The following AASS variants were observed in gnomAD, a reference collection of about 807,000 sequenced individuals.
AASS encodes the protein alpha-aminoadipic semialdehyde synthase, mitochondrial.
In AASS, 86 loss-of-function variants were observed where a neutral mutation model predicts 105.4. That is an observed-to-expected ratio of 0.82 (90% CI 0.69 to 0.98). The LOEUF (loss-of-function observed/expected upper bound fraction) is 0.98. Ranked by LOEUF, AASS falls within the 50% of genes least tolerant of loss-of-function variation. AASS has a pLI of 0.00. For missense variants in AASS, 1,048 were observed against 1,143.2 expected (o/e 0.92, Z 1.20); for synonymous variants, 381 against 394.8 (o/e 0.96, Z 0.41).
Position 122,079,732 on chromosome 7 carries a change from CA to C in AASS, c.2281-21del. ...TTGTTTCTGGTTAGAAAAAGAAATA[CA>C]ATATTTCTAAGTCCCTAACAAATTT... On this transcript the variant is annotated intron_variant, in intron 20 of 23. Coordinates refer to ENST00000417368, the MANE Select transcript of AASS (RefSeq NM_005763.4). The C allele has an allele frequency of 6.4e-7, 1 of 1,562,004 alleles. No individual in the cohort carries two copies. Among genetic ancestry groups the C allele is most frequent in the Non-Finnish European group, 8.8e-7 (1 of 1,133,226 alleles).
intron 6 of AASS, among the ~76,000 whole-genome samples, chr7:122,117,402 C>T (rs1485995221): frequency 6.6e-6 from 1 of 152,012 alleles, no homozygotes; most frequent in Non-Finnish European, 1.5e-5. Flanking sequence ...TGACAAGTTT[C>T]TATAGGAGAT....
At chr7:122,077,667 C>T (rs1019545674) in intron 23 of AASS, among the ~76,000 whole-genome samples, 171 bp downstream of exon 23, 1 of 152,224 alleles carries the variant, frequency 6.6e-6, no homozygotes, top group Admixed American at 6.5e-5. Context: ...AGCCCACATG[C>T]TTTACTCATC....
chr7:122,094,607 T>A (rs139747903), intron 15 of AASS, among the ~76,000 whole-genome samples: 15 of 152,184 alleles, frequency 9.9e-5, no homozygotes, highest in Non-Finnish European at 1.9e-4. Context: ...TACAATAGAC[T>A]ATGGATATAC....
chr7:122,143,414 G>A (rs1796491484), intron 1 of AASS, among the ~76,000 whole-genome samples: 1 of 149,596 alleles, frequency 6.7e-6, no homozygotes, highest in African/African-American at 2.5e-5. Flanking sequence ...AAGCTGTCAG[G>A]ATAGACAGAC....
intron 8 of AASS, 144 bp from the exon 9 acceptor site, chr7:122,115,366 T>C (rs1185271590): frequency 1.8e-6 from 2 of 1,120,268 alleles, no homozygotes; most frequent in Non-Finnish European, 1.3e-6. Flanking sequence ...TCAGTGTCCA[T>C]CTTTTGAGGC....
intron 4 of AASS, among the ~76,000 whole-genome samples, chr7:122,121,435 C>A (rs534590028): frequency 1.3e-5 from 2 of 152,196 alleles, no homozygotes; most frequent in South Asian, 4.1e-4. Flanking sequence ...CACTTTGTCA[C>A]CCAGGCTGGA....
Position 122,133,658 on chromosome 7 carries a change from T to C in AASS, c.69A>G (p.Lys23=). ...GVSLSKGLHH[K]AVLAVRREDV... ...CCTCCCTCCGGACGGCCAACACAGC[T>C]TTGTGGTGAAGACCCTTGGAGAGGC... The change falls in exon 2 of 24, where the codon AAA becomes AAG. Residue 23 remains lysine (K), a synonymous_variant. Transcript: ENST00000417368. The C allele has an allele frequency of 6.2e-7, 1 of 1,614,134 alleles. No homozygotes were observed. The highest frequency in any genetic ancestry group is 8.5e-7 in the Non-Finnish European group (1 of 1,180,024).
chr7:122,098,378 G>C, intron 15 of AASS, 72 bp downstream of exon 15: 2 of 1,570,476 alleles, frequency 1.3e-6, no homozygotes, highest in Non-Finnish European at 8.7e-7. Flanking sequence ...GAGAGGAGAA[G>C]TGAAAGAGAA....
intron 15 of AASS, among the ~76,000 whole-genome samples, chr7:122,096,279 C>T (rs1054703611): frequency 6.6e-6 from 1 of 152,052 alleles, no homozygotes; most frequent in Non-Finnish European, 1.5e-5. Flanking sequence ...ATTCTTTACT[C>T]ATTTTTTTGT....
intron 19 of AASS, among the ~76,000 whole-genome samples, chr7:122,084,484 A>C (rs2150510824): frequency 6.6e-6 from 1 of 152,348 alleles, no homozygotes; most frequent in South Asian, 2.1e-4. Flanking sequence ...TAGGCAGGTG[A>C]ACCTGGAAGA....
chr7:122,109,744 G>C (rs1187759503), intron 11 of AASS, among the ~76,000 whole-genome samples: 1 of 150,520 alleles, frequency 6.6e-6, no homozygotes, highest in Non-Finnish European at 1.5e-5. Context: ...ACATTGACCT[G>C]GTTAAGAATT....
intron 22 of AASS, 67 bp from the exon 23 acceptor site, chr7:122,078,081 C>T: frequency 6.9e-7 from 1 of 1,459,214 alleles, no homozygotes. Context: ...CTGTCATCTC[C>T]TCCTGCCCTT....
At chr7:122,116,372 G>A (rs1254540028) in intron 8 of AASS, among the ~76,000 whole-genome samples, 3 of 152,126 alleles carry the variant, frequency 2.0e-5, no homozygotes, top group Non-Finnish European at 2.9e-5. Context: ...ATGGCTTAGC[G>A]CTATTGGGCA....
chr7:122,078,822 T>C (rs750804318), intron 22 of AASS, 40 bp downstream of exon 22: 8 of 1,564,742 alleles, frequency 5.1e-6, no homozygotes, highest in Middle Eastern at 3.3e-4. Context: ...TATCTTATGA[T>C]TCTTCTTTAG....
intron 1 of AASS, among the ~76,000 whole-genome samples, chr7:122,139,468 G>A (rs1796290276): frequency 1.3e-5 from 2 of 152,106 alleles, no homozygotes; most frequent in Admixed American, 6.5e-5. Flanking sequence ...TATTACAAAT[G>A]AGAATAGTGA....
chr7:122,126,816 A>T lies in AASS; in HGVS notation c.388-357T>A, dbSNP rs539315453. On this transcript the variant is annotated intron_variant, in intron 3 of 23. Transcript: ENST00000417368. Reference sequence around the variant, plus strand: ...ATCCTTACATCCTTCCTTCTGGTCAAATAAAACAGATCCATTTTGAGACGA... The same window carrying T: ...ATCCTTACATCCTTCCTTCTGGTCATATAAAACAGATCCATTTTGAGACGA... Among the ~76,000 whole-genome samples the T allele has an allele frequency of 2.0e-5, 3 of 152,234 alleles. No individual in the cohort carries two copies. The South Asian group carries it at 6.2e-4, about 32-fold the overall frequency.
At chr7:122,082,860 A>G in intron 19 of AASS, 1 of 1,289,626 alleles carries the variant, frequency 7.8e-7, no homozygotes, top group Non-Finnish European at 1.0e-6. Flanking sequence ...ACATTATTCA[A>G]CATTCCAATC....
At chr7:122,112,809 T>G (rs1794997706) in intron 11 of AASS, among the ~76,000 whole-genome samples, 1 of 152,134 alleles carries the variant, frequency 6.6e-6, no homozygotes, top group Non-Finnish European at 1.5e-5. Context: ...TGAACTGACA[T>G]AGATGGCAAA....
In AASS at chr7:122,076,186, C is replaced by CAA; in HGVS notation, c.*301_*302dup. On this transcript the variant is annotated 3_prime_UTR_variant, in exon 24 of 24. Coordinates refer to ENST00000417368, the MANE Select transcript of AASS (RefSeq NM_005763.4). ...GAGACTCCATCTCAAAAAACAACAA[C>CAA]AACAAAAAAAAAACAAAAGAAAAAA... 12 of 310,106 alleles carry CAA rather than the reference C, an allele frequency of 3.9e-5. No individual in the cohort carries two copies. Among genetic ancestry groups the CAA allele is most frequent in the Non-Finnish European group, 6.7e-5 (11 of 164,864 alleles). 19.2% of individuals were successfully genotyped at this position (310,106 alleles called of 1,614,324 possible). A position where few individuals can be genotyped will look rare whatever the true frequency, so the allele number is the denominator to read the frequency against.
Sources: gnomAD v4.1 joint callset for allele counts (sites outside exome capture counted in the v4.1 genomes callset) on GRCh38, gnomAD v4.1.1 for gene constraint, MANE v1.5 for transcripts, NCBI Gene and HGNC (gene_info 2026-07-23, HGNC 2026-07-21) for gene names.